Variants in MDM4 observed in about 807,000 individuals in gnomAD.
The protein encoded by MDM4 is MDM4 regulator of p53, also known as protein Mdm4.
Under a neutral mutation model 60.2 loss-of-function variants are expected in MDM4, and 2 were observed. The observed-to-expected ratio is 0.03, with a 90% CI of 0.01 to 0.10. The LOEUF is 0.10. MDM4 is among the 10% of genes least tolerant of loss of function. The pLI, the probability that MDM4 is intolerant of heterozygous loss-of-function variation, is 1.00. For missense variants in MDM4, 447 were observed against 577.5 expected (o/e 0.77, Z 2.32); for synonymous variants, 202 against 198.1 (o/e 1.02, Z -0.17).
chr1:204,527,871 T>C (rs944700593), intron 3 of MDM4, among the ~76,000 whole-genome samples: 1 of 151,982 alleles, frequency 6.6e-6, no homozygotes, highest in Non-Finnish European at 1.5e-5. Flanking sequence ...AGGCTTTTTT[T>C]TTTTTCGAAC....
At chr1:204,537,223 A>G (rs959533725) in intron 5 of MDM4, among the ~76,000 whole-genome samples, 2 of 152,144 alleles carry the variant, frequency 1.3e-5, no homozygotes, top group Admixed American at 1.3e-4. Context: ...TTTTGGTAAT[A>G]TATTTTGGAT....
At position 204,554,168 on chromosome 1, in the gene MDM4, C is replaced by T; in HGVS notation, c.*4486C>T. 4.4e-6 allele frequency: 1 copy of T among 227,434 alleles called. No homozygotes were observed. Among genetic ancestry groups the T allele is most frequent in the East Asian group, 6.4e-5 (1 of 15,742 alleles). The allele number at this position is 227,434 out of a possible 1,614,324, so 14.1% of individuals were successfully genotyped here. ...AGTCTTTGATATATTGGTGAATATT[C>T]TTCTGATCTATAATACAAAGCTATG... On this transcript the variant is annotated 3_prime_UTR_variant, in exon 11 of 11. Transcript: ENST00000367182.
Position 204,537,446 on chromosome 1 carries a change from C to A in MDM4, c.360C>A (p.Leu120=), listed in dbSNP as rs772973508. 6.2e-7 allele frequency: 1 copy of A among 1,613,406 alleles called. No individual in the cohort carries two copies. Among genetic ancestry groups the A allele is most frequent in the Non-Finnish European group, 8.5e-7 (1 of 1,179,320 alleles). The part of the protein sequence containing the change: ...ATATTDAAQT[L]ALAQDHSMDI... ...GCTATCCAGATGCTGCTCAGACTCT[C>A]GCTCTCGCACAGGATCACAGTATGG... The change falls in exon 6 of 11, where the codon CTC becomes CTA. Residue 120 remains leucine (L), a synonymous_variant. Transcript: ENST00000367182.
In MDM4 at chr1:204,551,459, CTCTTTTTTTTT is replaced by C. The variant is rs1663194452; in HGVS notation, c.*1779_*1789del. On this transcript the variant is annotated 3_prime_UTR_variant, in exon 11 of 11. Transcript: ENST00000367182. ...ATATACTGGATGGTTGAGAGGCAGCCTCTTTTTTTTTTTTTTTTTTTTTTTTTTTTTGGAGG... is the reference window on the plus strand; with the variant it reads ...ATATACTGGATGGTTGAGAGGCAGCCTTTTTTTTTTTTTTTTTTTTGGAGG... The C allele has an allele frequency of 2.0e-5, 3 of 151,654 alleles. No homozygotes were observed. The highest frequency in any genetic ancestry group is 2.2e-5 in the Non-Finnish European group (2 of 90,782). The allele number at this position is 151,654 out of a possible 1,614,324, so 9.4% of individuals were successfully genotyped here.
intron 9 of MDM4, among the ~76,000 whole-genome samples, 172 bp from the exon 10 acceptor site, chr1:204,546,625 C>G (rs1461704049): frequency 6.6e-6 from 1 of 152,192 alleles, no homozygotes; most frequent in Non-Finnish European, 1.5e-5. Flanking sequence ...GAAATGCCAA[C>G]TAGAAGTACA....
intron 1 of MDM4, among the ~76,000 whole-genome samples, chr1:204,522,484 G>A (rs61817958): frequency 0.57 from 86,307 of 150,682 alleles, 27,289 homozygotes; most frequent in Non-Finnish European, 0.69. Flanking sequence ...TGCAACCTCC[G>A]CTTCCCAAGT....
intron 1 of MDM4, among the ~76,000 whole-genome samples, chr1:204,517,614 C>T (rs1004340257): frequency 6.6e-6 from 1 of 152,112 alleles, no homozygotes; most frequent in African/African-American, 2.4e-5. Flanking sequence ...GTTGGCCAGG[C>T]TGTTCTCGAA....
At chr1:204,518,642 C>T (rs1659236576) in intron 1 of MDM4, among the ~76,000 whole-genome samples, 1 of 152,148 alleles carries the variant, frequency 6.6e-6, no homozygotes, top group Non-Finnish European at 1.5e-5. Flanking sequence ...GAATGGTCAG[C>T]CTACTCCACG....
rs1338479061 is a variant in MDM4, at chr1:204,556,660, C to T, written c.*6978C>T. ...GCAGTGAGCTGAGATGGCACCACTG[C>T]AATCCAAGGTGGGTGACAGAGACGC... On this transcript the variant is annotated 3_prime_UTR_variant, in exon 11 of 11. Coordinates refer to ENST00000367182, the MANE Select transcript of MDM4 (RefSeq NM_002393.5). 6 of 207,556 alleles carry T rather than the reference C, an allele frequency of 2.9e-5. No homozygotes were observed. In the Admixed American group the frequency reaches 3.0e-4, roughly 10 times the overall value. The allele number at this position is 207,556 out of a possible 1,614,324, so 12.9% of individuals were successfully genotyped here. A position where few individuals can be genotyped will look rare whatever the true frequency, so the allele number is the denominator to read the frequency against.
In MDM4 at chr1:204,554,248, T is replaced by G. The variant is rs1250029880; in HGVS notation, c.*4566T>G. 1 of 225,352 alleles carries G rather than the reference T, an allele frequency of 4.4e-6. No individual in the cohort carries two copies. The highest frequency in any genetic ancestry group is 2.2e-5 in the African/African-American group (1 of 44,968). The allele number at this position is 225,352 out of a possible 1,614,324, so 14.0% of individuals were successfully genotyped here. The stretch of plus-strand genomic sequence containing the variant: ...GGAAGACAATTGTTAACTAGATATT[T>G]GAGTTTTTTCCCCTCAGAATTATGT... On this transcript the variant is annotated 3_prime_UTR_variant, in exon 11 of 11. Transcript: ENST00000367182.
Position 204,557,371 on chromosome 1 carries a change from A to T in MDM4, c.*7689A>T, listed in dbSNP as rs1239156494. 5.5e-6 allele frequency: 1 copy of T among 182,532 alleles called. No individual in the cohort carries two copies. 11.3% of individuals were successfully genotyped at this position (182,532 alleles called of 1,614,324 possible). ...AATTTGGATAGTACATTCTATCCTG[A>T]TAAAACCACCTTGCTGTGGTCTTGA... On this transcript the variant is annotated 3_prime_UTR_variant, in exon 11 of 11. Coordinates refer to ENST00000367182, the MANE Select transcript of MDM4 (RefSeq NM_002393.5).
chr1:204,540,129 C>CA (rs1220773980), intron 7 of MDM4, among the ~76,000 whole-genome samples: 2 of 151,124 alleles, frequency 1.3e-5, no homozygotes, highest in Admixed American at 6.6e-5. Context: ...AAAAAAAATA[C>CA]AAAAAATTAG....
chr1:204,526,232 G>T, intron 2 of MDM4, 128 bp from the exon 3 acceptor site: 1 of 711,528 alleles, frequency 1.4e-6, no homozygotes, highest in Non-Finnish European at 2.4e-6. Flanking sequence ...CTCCAGCCAA[G>T]GCGACAGAGC....
At chr1:204,525,354 G>A (rs1660020740) in intron 1 of MDM4, 130 bp from the exon 2 acceptor site, 7 of 1,392,098 alleles carry the variant, frequency 5.0e-6, no homozygotes, top group East Asian at 5.5e-5. Context: ...AGGGTATACA[G>A]CATTTGTGTA....
chr1:204,551,343 A>C lies in MDM4; in HGVS notation c.*1661A>C, dbSNP rs139868416. On this transcript the variant is annotated 3_prime_UTR_variant, in exon 11 of 11. Transcript: ENST00000367182. ...TTGCAGTCCTGAGCTACTGCCCCCT[A>C]CCCTCTTTGCGTCTTAGGAGTCATT... The C allele has an allele frequency of 7.0e-5, 16 of 228,818 alleles. No homozygotes were observed. The South Asian group carries it at 2.0e-3, about 29-fold the overall frequency. The allele number at this position is 228,818 out of a possible 1,614,324, so 14.2% of individuals were successfully genotyped here. A position where few individuals can be genotyped will look rare whatever the true frequency, so the allele number is the denominator to read the frequency against.
chr1:204,525,677 A>T (rs2102316127), intron 2 of MDM4, 81 bp downstream of exon 2: 1 of 940,028 alleles, frequency 1.1e-6, no homozygotes, highest in Admixed American at 2.6e-5. Context: ...CATGACTGTA[A>T]TCCCAGCACT....
At chr1:204,524,113 G>C (rs1659866659) in intron 1 of MDM4, among the ~76,000 whole-genome samples, 1 of 152,116 alleles carries the variant, frequency 6.6e-6, no homozygotes, top group South Asian at 2.1e-4. Context: ...GAAACGAGGG[G>C]CAAGGAGATG....
chr1:204,526,621 G>A (rs765626151), intron 3 of MDM4, among the ~76,000 whole-genome samples, 187 bp downstream of exon 3: 1 of 151,900 alleles, frequency 6.6e-6, no homozygotes, highest in Admixed American at 6.6e-5. Flanking sequence ...CTGCTGCCAC[G>A]CCCGGCTAAT....
At chr1:204,546,697 T>C (rs559294130) in intron 9 of MDM4, 100 bp from the exon 10 acceptor site, 5 of 724,956 alleles carry the variant, frequency 6.9e-6, no homozygotes, top group Non-Finnish European at 1.2e-5. Context: ...GGGAGAAGAA[T>C]GTGAGTTTTA....
Sources: allele counts gnomAD v4.1 joint callset (sites outside exome capture counted in the v4.1 genomes callset), GRCh38; gene constraint gnomAD v4.1.1; transcripts MANE v1.5; gene names NCBI Gene and HGNC (gene_info 2026-07-23, HGNC 2026-07-21).